The following DPP10 variants were observed in gnomAD, a reference collection of about 807,000 sequenced individuals.
The protein encoded by DPP10 is inactive dipeptidyl peptidase 10.
DPP10 carries 33 observed loss-of-function variants against 120.9 expected under a neutral mutation model. The observed-to-expected ratio is 0.27, with a 90% CI of 0.21 to 0.37. DPP10 has a LOEUF of 0.37. Ranked by LOEUF, DPP10 falls within the 10% of genes least tolerant of loss-of-function variation. The probability of loss-of-function intolerance (pLI) is 1.00; values close to 1 mark genes in which losing one functional copy is unlikely to be tolerated. For synonymous variants in DPP10, 337 were observed against 326.1 expected (o/e 1.03, Z -0.36); for missense variants, 816 against 942.8 (o/e 0.87, Z 1.76).
chr2:114,761,920 G>T (rs1286021719), intron 1 of DPP10, among the ~76,000 whole-genome samples: 17 of 152,044 alleles, frequency 1.1e-4, no homozygotes, highest in Non-Finnish European at 1.5e-5. Context: ...TCCTCTCTTG[G>T]ATATTAATAG....
rs1316332233 is a variant in DPP10 at position 115,838,517 on chromosome 2, G to A, written c.2182+1771G>A. Among the ~76,000 whole-genome samples, 12 of 152,256 alleles carry A rather than the reference G, an allele frequency of 7.9e-5. No individual in the cohort carries two copies. In the East Asian group the frequency reaches 2.1e-3, roughly 27 times the overall value. On this transcript the variant is annotated intron_variant, in intron 24 of 25. Coordinates refer to ENST00000410059, the MANE Select transcript of DPP10 (RefSeq NM_020868.6). ...AAGGAGATTTGAATCCATGTATTGA[G>A]CCTTTTATTCACTGTGCCCTGAAGC...
intron 1 of DPP10, among the ~76,000 whole-genome samples, chr2:114,914,437 AT>A (rs1156323771): frequency 6.6e-6 from 1 of 152,162 alleles, no homozygotes; most frequent in Admixed American, 6.5e-5. Flanking sequence ...CCAAACAAGA[AT>A]TTTTTTATTC....
At chr2:115,240,041 T>C (rs2058198538) in intron 1 of DPP10, among the ~76,000 whole-genome samples, 1 of 152,222 alleles carries the variant, frequency 6.6e-6, no homozygotes, top group African/African-American at 2.4e-5. Flanking sequence ...TTTGCTGTTG[T>C]GAATAGAGCT....
chr2:115,764,820 A>G (rs1268983791), intron 12 of DPP10, among the ~76,000 whole-genome samples: 1 of 152,176 alleles, frequency 6.6e-6, no homozygotes, highest in Admixed American at 6.6e-5. Flanking sequence ...AATTTAATGT[A>G]TGAGCATGGT....
chr2:115,676,460 A>G (rs940497645), intron 5 of DPP10, among the ~76,000 whole-genome samples: 3 of 151,750 alleles, frequency 2.0e-5, no homozygotes, highest in Admixed American at 6.6e-5. Flanking sequence ...TAGGAATACC[A>G]AAAAAAATAT....
At chr2:115,255,148 A>G (rs2058927783) in intron 1 of DPP10, among the ~76,000 whole-genome samples, 2 of 152,230 alleles carry the variant, frequency 1.3e-5, no homozygotes, top group South Asian at 4.1e-4. Context: ...CATTTCTGTA[A>G]ATCTTCTGAA....
rs17789111 is a variant in DPP10, at chr2:114,891,441, C to T, written c.61-417798C>T. Among the ~76,000 whole-genome samples the T allele has an allele frequency of 3.3e-5, 5 of 152,050 alleles. No individual in the cohort carries two copies. In the East Asian group the frequency reaches 5.8e-4, roughly 18 times the overall value. On this transcript the variant is annotated intron_variant, in intron 1 of 25. Coordinates refer to ENST00000410059, the MANE Select transcript of DPP10 (RefSeq NM_020868.6). ...GATGTGACATACAGGTGTTAAAGTA[C>T]GTAAAAAATGTTAAACACCAGATAA... is the stretch of plus-strand genomic sequence containing the variant.
chr2:115,231,897 T>G (rs2057752344), intron 1 of DPP10, among the ~76,000 whole-genome samples: 1 of 152,192 alleles, frequency 6.6e-6, no homozygotes. Context: ...GAATCAGTAA[T>G]GAGCACAAAT....
In DPP10 at chr2:115,624,251, A is replaced by G. The variant is rs146380279; in HGVS notation, c.442-65436A>G. On this transcript the variant is annotated intron_variant, in intron 5 of 25. Transcript: ENST00000410059. ...TTAAATTGACTTCTATAAATTTTTC[A>G]AAGTGAAGTGTTTTGGTTCTCAAAG... is the stretch of plus-strand genomic sequence containing the variant. Among the ~76,000 whole-genome samples, 282 of 152,170 alleles carry G rather than the reference A, an allele frequency of 1.9e-3. 3 individuals carry two copies. In the East Asian group the frequency reaches 0.026, roughly 14 times the overall value.
chr2:114,952,006 T>C (rs1313440665), intron 1 of DPP10, among the ~76,000 whole-genome samples: 1 of 151,872 alleles, frequency 6.6e-6, no homozygotes, highest in Non-Finnish European at 1.5e-5. Context: ...AATTATTACA[T>C]AAGTACTATA....
chr2:115,129,907 A>G (rs921074751), intron 1 of DPP10, among the ~76,000 whole-genome samples: 15 of 151,948 alleles, frequency 9.9e-5, no homozygotes, highest in Admixed American at 2.6e-4. Flanking sequence ...TGTTCCCTGG[A>G]TTTTTCACTG....
At chr2:115,380,453 T>A (rs533702350) in intron 3 of DPP10, among the ~76,000 whole-genome samples, 2 of 152,194 alleles carry the variant, frequency 1.3e-5, no homozygotes, top group Admixed American at 6.5e-5. Context: ...TGTCTCTGCA[T>A]GTGAGATGGG....
chr2:114,532,920 T>G (rs2104750229), intron 1 of DPP10, among the ~76,000 whole-genome samples: 1 of 152,282 alleles, frequency 6.6e-6, no homozygotes, highest in East Asian at 1.9e-4. Context: ...GCTTCTGGAC[T>G]CATCGTTCCC....
chr2:115,534,798 G>A (rs983444201), intron 5 of DPP10, among the ~76,000 whole-genome samples: 1 of 151,084 alleles, frequency 6.6e-6, no homozygotes, highest in East Asian at 2.0e-4. Flanking sequence ...TTTAATGATT[G>A]CCATTCTAAC....
At chr2:115,840,319 G>GTTTTTT (rs1310199623) in intron 24 of DPP10, among the ~76,000 whole-genome samples, 2,424 of 79,456 alleles carry the variant, frequency 0.031, 839 homozygotes, top group Middle Eastern at 0.058. Flanking sequence ...AGGTTTTTTG[G>GTTTTTT]TTTTTTTTTT....
At chr2:114,735,012 C>G (rs1677282766) in intron 1 of DPP10, among the ~76,000 whole-genome samples, 1 of 152,090 alleles carries the variant, frequency 6.6e-6, no homozygotes, top group Non-Finnish European at 1.5e-5. Context: ...TGTATGTATT[C>G]CTGATATCTC....
intron 3 of DPP10, among the ~76,000 whole-genome samples, chr2:115,355,205 C>T (rs1312420378): frequency 6.6e-6 from 1 of 152,176 alleles, no homozygotes; most frequent in Non-Finnish European, 1.5e-5. Flanking sequence ...TATTTCTCCA[C>T]AGCCTCAGCA....
At chr2:115,477,505 A>G (rs990820078) in intron 3 of DPP10, among the ~76,000 whole-genome samples, 1 of 152,168 alleles carries the variant, frequency 6.6e-6, no homozygotes, top group Non-Finnish European at 1.5e-5. Context: ...GAAAAAAAAG[A>G]TATATATTAA....
intron 3 of DPP10, among the ~76,000 whole-genome samples, chr2:115,403,977 T>A (rs573763666): frequency 8.4e-4 from 128 of 152,278 alleles, no homozygotes; most frequent in Middle Eastern, 3.4e-3. Context: ...GGAAATTTTT[T>A]AAAAAATCTC....
Sources: gnomAD v4.1 joint callset for allele counts (sites outside exome capture counted in the v4.1 genomes callset) on GRCh38, gnomAD v4.1.1 for gene constraint, MANE v1.5 for transcripts, NCBI Gene and HGNC (gene_info 2026-07-23, HGNC 2026-07-21) for gene names.